PCDH15: variants seen among roughly 807,000 people sequenced by gnomAD.
PCDH15 encodes the protein protocadherin-15.
Under a neutral mutation model 178.5 loss-of-function variants are expected in PCDH15, and 129 were observed. The observed-to-expected ratio is 0.72, with a 90% confidence interval of 0.63 to 0.84. The LOEUF is 0.84. Ranked by LOEUF, PCDH15 falls within the 40% of genes least tolerant of loss-of-function variation. PCDH15 has a pLI of 0.00. For synonymous variants in PCDH15, 800 were observed against 732.0 expected (o/e 1.09, Z -1.50); for missense variants, 2,230 against 2,099.9 (o/e 1.06, Z -1.21).
rs147637531 is a variant in PCDH15, at chr10:55,403,201, G to C, written c.-156+224424C>G. On this transcript the variant is annotated intron_variant, in intron 2 of 5. Coordinates refer to the PCDH15 transcript ENST00000613346. ...TAGTTTTTTATGGGAATATTTGTGG[G>C]CTTTTTTATTTTTATATTTTTATTT... Among the ~76,000 whole-genome samples the C allele has an allele frequency of 4.2e-3, 640 of 151,676 alleles. 9 individuals carry two copies. Among genetic ancestry groups the C allele is most frequent in the African/African-American group, 0.015 (613 of 41,434 alleles).
chr10:54,998,166 G>T (rs534051849), intron 2 of PCDH15, among the ~76,000 whole-genome samples: 2 of 151,984 alleles, frequency 1.3e-5, no homozygotes, highest in Non-Finnish European at 2.9e-5. Context: ...TTCAAATTAT[G>T]GACTATGGCA....
intron 9 of PCDH15, among the ~76,000 whole-genome samples, chr10:54,234,481 A>T (rs1288626497): frequency 6.6e-6 from 1 of 152,126 alleles, no homozygotes; most frequent in East Asian, 1.9e-4. Context: ...TGAACCCAGG[A>T]AGTCGAAGCT....
At chr10:55,168,644 A>C (rs2095152256) in intron 1 of PCDH15, among the ~76,000 whole-genome samples, 1 of 152,236 alleles carries the variant, frequency 6.6e-6, no homozygotes, top group African/African-American at 2.4e-5. Flanking sequence ...CTGAGTCATC[A>C]TTACACATTT....
intron 9 of PCDH15, among the ~76,000 whole-genome samples, chr10:54,224,951 G>C (rs11004149): frequency 0.055 from 8,312 of 151,878 alleles, 565 homozygotes; most frequent in African/African-American, 0.17. Flanking sequence ...TTTTCTTATC[G>C]AAAATGTTTT....
At chr10:55,563,581 G>A (rs372187236) in intron 2 of PCDH15, among the ~76,000 whole-genome samples, 2 of 150,526 alleles carry the variant, frequency 1.3e-5, no homozygotes, top group African/African-American at 2.4e-5. Flanking sequence ...AAATAATCAC[G>A]AGGCACACAC....
chr10:53,808,938 G>A (rs929982779), intron 37 of PCDH15: 1 of 1,562,100 alleles, frequency 6.4e-7, no homozygotes, highest in Admixed American at 1.9e-5. Context: ...CTTCCACAGG[G>A]GCTGGTCCAC....
At chr10:53,992,369 C>T (rs752736911) in intron 21 of PCDH15, among the ~76,000 whole-genome samples, 9 of 152,190 alleles carry the variant, frequency 5.9e-5, no homozygotes, top group African/African-American at 1.7e-4. Flanking sequence ...AGACCAAGAA[C>T]CCACCAGTTT....
intron 2 of PCDH15, among the ~76,000 whole-genome samples, chr10:55,519,886 GA>G (rs1023706374): frequency 6.0e-4 from 90 of 150,980 alleles, no homozygotes; most frequent in African/African-American, 2.1e-3. Flanking sequence ...AATGCAACAT[GA>G]AAATGTTTAA....
intron 2 of PCDH15, among the ~76,000 whole-genome samples, chr10:55,613,553 T>A (rs187965864): frequency 2.6e-5 from 4 of 152,162 alleles, no homozygotes; most frequent in African/African-American, 9.6e-5. Context: ...AACAAAAAGA[T>A]GCAAGGGAAA....
chr10:54,653,540 T>C (rs16906364), intron 2 of PCDH15, among the ~76,000 whole-genome samples: 8,636 of 152,188 alleles, frequency 0.057, 828 homozygotes, highest in African/African-American at 0.2. Flanking sequence ...ACTTAGGTAA[T>C]GACTTCTGCT....
chr10:54,188,890 A>C (rs2048713624), intron 11 of PCDH15, among the ~76,000 whole-genome samples: 1 of 152,118 alleles, frequency 6.6e-6, no homozygotes, highest in Non-Finnish European at 1.5e-5. Context: ...AAGAGCATAC[A>C]TATAAATGAC....
chr10:55,578,252 C>G (rs1335055885), intron 2 of PCDH15, among the ~76,000 whole-genome samples: 1 of 152,038 alleles, frequency 6.6e-6, no homozygotes, highest in African/African-American at 2.4e-5. Context: ...GAGTCTCACT[C>G]TATCACCCAG....
intron 3 of PCDH15, among the ~76,000 whole-genome samples, chr10:54,417,080 G>T (rs868533486): frequency 6.6e-6 from 1 of 151,954 alleles, no homozygotes; most frequent in Non-Finnish European, 1.5e-5. Context: ...TGTAGAGATG[G>T]GGTTTCACCA....
chr10:55,110,800 G>T (rs892065593), intron 2 of PCDH15, among the ~76,000 whole-genome samples: 1 of 151,886 alleles, frequency 6.6e-6, no homozygotes, highest in South Asian at 2.1e-4. Flanking sequence ...AAGAACAAAA[G>T]AATTAGAAAA....
At chr10:53,893,994 T>C (rs890144286) in intron 26 of PCDH15, among the ~76,000 whole-genome samples, 4 of 152,162 alleles carry the variant, frequency 2.6e-5, no homozygotes, top group Non-Finnish European at 4.4e-5. Flanking sequence ...GTTTGCTATA[T>C]GGGTAAACTT....
chr10:55,170,875 C>T (rs1455448503), intron 1 of PCDH15, among the ~76,000 whole-genome samples: 4 of 151,696 alleles, frequency 2.6e-5, no homozygotes, highest in African/African-American at 7.3e-5. Flanking sequence ...CAGGGAGACT[C>T]CATCTCAAAA....
chr10:54,192,130 A>AAGAG (rs1238632716), intron 11 of PCDH15, among the ~76,000 whole-genome samples: 130 of 125,146 alleles, frequency 1.0e-3, no homozygotes, highest in Non-Finnish European at 1.6e-3. Context: ...GAAAGAAAGA[A>AAGAG]AGAGAAAGAG....
At chr10:54,753,557 G>T (rs1196927730) in intron 1 of PCDH15, among the ~76,000 whole-genome samples, 4 of 152,030 alleles carry the variant, frequency 2.6e-5, no homozygotes, top group African/African-American at 9.7e-5. Flanking sequence ...CAACTTATTT[G>T]ATCTTACCAA....
chr10:53,841,605 T>A (rs984138044), intron 28 of PCDH15, among the ~76,000 whole-genome samples: 1 of 152,156 alleles, frequency 6.6e-6, no homozygotes, highest in Non-Finnish European at 1.5e-5. Flanking sequence ...CCAATCATAG[T>A]GAAATGTTTG....
Sources: allele counts gnomAD v4.1 joint callset (sites outside exome capture counted in the v4.1 genomes callset), GRCh38; gene constraint gnomAD v4.1.1; transcripts MANE v1.5; gene names NCBI Gene and HGNC (gene_info 2026-07-23, HGNC 2026-07-21).